Variants in UNC13C observed in about 807,000 individuals in gnomAD.
UNC13C encodes unc-13 homolog C.
In UNC13C, 174 loss-of-function variants were observed where a neutral mutation model predicts 245.4. The ratio of observed to expected loss-of-function variants is 0.71; its 90% CI spans 0.63 to 0.80. The LOEUF (loss-of-function observed/expected upper bound fraction) is 0.80. Among genes scored for constraint, UNC13C ranks in the 30% least tolerant of loss-of-function variants. UNC13C has a pLI of 0.00. For synonymous variants in UNC13C, 992 were observed against 895.1 expected, an observed-to-expected ratio of 1.11 and a Z score of -1.93; for missense variants, 2,829 against 2,602.9, an observed-to-expected ratio of 1.09 and a Z score of -1.89.
downstream of UNC13C, chr15:54,628,763 A>C (rs1441056588): frequency 1.3e-5 from 2 of 152,238 alleles, no homozygotes; most frequent in East Asian, 3.9e-4. Flanking sequence ...GTTATTATTA[A>C]AAAGTCAAAA....
chr15:54,020,582 C>T (rs1019317869), intron 2 of UNC13C, among the ~76,000 whole-genome samples: 12 of 151,688 alleles, frequency 7.9e-5, no homozygotes, highest in Admixed American at 2.6e-4. Context: ...CACACCCGGC[C>T]GATTTTTCTT....
intron 10 of UNC13C, among the ~76,000 whole-genome samples, chr15:54,289,471 A>G (rs542332777): frequency 5.3e-5 from 8 of 152,078 alleles, no homozygotes; most frequent in Non-Finnish European, 1.2e-4. Context: ...CTGTGCCAGC[A>G]TCTCCTCCAC....
At chr15:54,251,549 T>C (rs2036153226) in intron 8 of UNC13C, among the ~76,000 whole-genome samples, 1 of 152,214 alleles carries the variant, frequency 6.6e-6, no homozygotes, top group Non-Finnish European at 1.5e-5. Context: ...AAAAAAATCC[T>C]TTATTTGTTA....
At chr15:54,543,206 T>C (rs1896328149) in intron 26 of UNC13C, among the ~76,000 whole-genome samples, 1 of 152,094 alleles carries the variant, frequency 6.6e-6, no homozygotes, top group Non-Finnish European at 1.5e-5. Flanking sequence ...GGTGACAAAA[T>C]ATCTCAGCAT....
chr15:54,311,836 C>A (rs959407452), intron 13 of UNC13C, among the ~76,000 whole-genome samples: 1 of 151,740 alleles, frequency 6.6e-6, no homozygotes, highest in Non-Finnish European at 1.5e-5. Flanking sequence ...ATAGGTTATA[C>A]AATTTTGCAT....
chr15:54,267,152 A>G (rs2036567734), intron 10 of UNC13C, among the ~76,000 whole-genome samples: 1 of 148,628 alleles, frequency 6.7e-6, no homozygotes. Flanking sequence ...TTTGTATGTA[A>G]ATATTTGTGT....
intron 2 of UNC13C, among the ~76,000 whole-genome samples, chr15:54,067,671 C>A (rs1232167747): frequency 6.6e-6 from 1 of 152,130 alleles, no homozygotes; most frequent in African/African-American, 2.4e-5. Flanking sequence ...CCATAATGAA[C>A]TAAATATTTG....
At chr15:54,496,205 A>C (rs1893942041) in intron 20 of UNC13C, among the ~76,000 whole-genome samples, 1 of 152,122 alleles carries the variant, frequency 6.6e-6, no homozygotes. Context: ...TTGTCAAATA[A>C]AACATACTTA....
intron 28 of UNC13C, among the ~76,000 whole-genome samples, chr15:54,550,281 C>T (rs1896680216): frequency 6.6e-6 from 1 of 152,098 alleles, no homozygotes; most frequent in South Asian, 2.1e-4. Flanking sequence ...CAAATGCTTC[C>T]TACTATGTGA....
intron 2 of UNC13C, among the ~76,000 whole-genome samples, chr15:54,034,111 T>C (rs1384781636): frequency 6.6e-6 from 1 of 152,214 alleles, no homozygotes; most frequent in Non-Finnish European, 1.5e-5. Context: ...GGCTGACCCC[T>C]GTGTATTGGA....
rs867105397 is a variant in UNC13C at position 54,015,721 on chromosome 15, G to T, written c.2818G>T (p.Glu940Ter). ...TGAAGAGGGGTTAGAACCCTTAAAT[G>T]AAACATCAGCTGAGATGGAAATAAG... ...VSEEGLEPLN[E>*]TSAEMEIRED... The change falls in exon 2 of 33, where the codon GAA becomes TAA. Residue 940 changes from glutamate (E) to a stop codon, truncating the protein, a stop_gained. Transcript: ENST00000260323. LOFTEE classifies it high-confidence loss of function. 1 of 1,613,582 alleles carries T rather than the reference G, an allele frequency of 6.2e-7. No homozygotes were observed. The highest frequency in any genetic ancestry group is 8.5e-7 in the Non-Finnish European group (1 of 1,179,736).
At chr15:54,212,865 A>C (rs1175795139) in intron 4 of UNC13C, among the ~76,000 whole-genome samples, 2 of 152,058 alleles carry the variant, frequency 1.3e-5, no homozygotes, top group African/African-American at 2.4e-5. Context: ...GTACACCTGA[A>C]AATGCAAGGC....
chr15:54,588,318 T>A (rs1898594563), intron 30 of UNC13C, among the ~76,000 whole-genome samples: 1 of 152,226 alleles, frequency 6.6e-6, no homozygotes, highest in Admixed American at 6.5e-5. Context: ...TTACTTTAAA[T>A]CTCAGCTCTG....
intron 19 of UNC13C, among the ~76,000 whole-genome samples, chr15:54,456,735 T>C (rs1891553667): frequency 6.6e-6 from 1 of 152,046 alleles, no homozygotes. Context: ...TTTTGTATCC[T>C]GAAGCTTTAC....
chr15:54,040,136 T>G (rs568442615), intron 2 of UNC13C, among the ~76,000 whole-genome samples: 1 of 152,302 alleles, frequency 6.6e-6, no homozygotes, highest in African/African-American at 2.4e-5. Flanking sequence ...CTGGATTCAC[T>G]ATGTTCTTCT....
intron 30 of UNC13C, among the ~76,000 whole-genome samples, chr15:54,583,286 A>G (rs1471486772): frequency 6.6e-6 from 1 of 152,230 alleles, no homozygotes; most frequent in Non-Finnish European, 1.5e-5. Flanking sequence ...GAACATATAG[A>G]GTCAATGAAA....
intron 22 of UNC13C, 123 bp downstream of exon 22, chr15:54,501,101 T>A: frequency 2.1e-6 from 2 of 943,748 alleles, no homozygotes; most frequent in Non-Finnish European, 3.1e-6. Context: ...TCTGTACTAG[T>A]AAATTCAGTT....
intron 14 of UNC13C, among the ~76,000 whole-genome samples, chr15:54,328,658 C>T (rs1034433047): frequency 1.3e-5 from 2 of 151,996 alleles, no homozygotes; most frequent in Non-Finnish European, 2.9e-5. Context: ...AAGAGCTTTT[C>T]CTTCCAGGGT....
At chr15:54,109,310 C>T (rs1236993454) in intron 2 of UNC13C, among the ~76,000 whole-genome samples, 1 of 72,000 alleles carries the variant, frequency 1.4e-5, no homozygotes, top group Admixed American at 2.2e-4. Context: ...CCTCCCCTCC[C>T]CTCCCCTCCC....
Sources: allele counts gnomAD v4.1 joint callset (sites outside exome capture counted in the v4.1 genomes callset), GRCh38; gene constraint gnomAD v4.1.1; transcripts MANE v1.5; gene names NCBI Gene and HGNC (gene_info 2026-07-23, HGNC 2026-07-21).